Variants in CIB4 observed in about 807,000 individuals in gnomAD.
CIB4 encodes the protein calcium and integrin binding family member 4.
CIB4 carries 25 observed loss-of-function variants against 25.8 expected under a neutral mutation model. The ratio of observed to expected loss-of-function variants is 0.97; its 90% CI spans 0.71 to 1.35. The LOEUF is 1.35. Among genes scored for constraint, CIB4 ranks in the 40% most tolerant of loss-of-function variants. CIB4 has a pLI of 0.00. For missense variants in CIB4, 235 were observed against 228.2 expected (o/e 1.03, Z -0.19); for synonymous variants, 75 against 81.4 (o/e 0.92, Z 0.42).
chr2:26,590,507 G>A (rs943256545), intron 4 of CIB4, among the ~76,000 whole-genome samples: 5 of 152,218 alleles, frequency 3.3e-5, no homozygotes, highest in East Asian at 1.9e-4. Context: ...ACTGAGTTCC[G>A]TCTTTGGACG....
At chr2:26,589,072 C>CTTCTTCTTCTTCTTCT (rs1668524568) in intron 4 of CIB4, among the ~76,000 whole-genome samples, 1 of 40,796 alleles carries the variant, frequency 2.5e-5, no homozygotes, top group East Asian at 5.3e-4. Context: ...CTTCCTCTTC[C>CTTCTTCTTCTTCTTCT]TCTTCTTCTT....
chr2:26,635,627 C>T (rs562861411), intron 2 of CIB4, among the ~76,000 whole-genome samples: 5 of 152,290 alleles, frequency 3.3e-5, no homozygotes, highest in African/African-American at 4.8e-5. Flanking sequence ...CCACTTTCTC[C>T]GTGAGTATCA....
At chr2:26,588,041 T>C (rs1283287105) in intron 4 of CIB4, among the ~76,000 whole-genome samples, 4 of 152,228 alleles carry the variant, frequency 2.6e-5, no homozygotes, top group Non-Finnish European at 5.9e-5. Flanking sequence ...GTGTCAGGAC[T>C]GGAGCCTCTC....
chr2:26,635,351 C>T (rs900753495), intron 2 of CIB4, among the ~76,000 whole-genome samples: 3 of 152,184 alleles, frequency 2.0e-5, no homozygotes, highest in African/African-American at 7.2e-5. Flanking sequence ...GTGACCAGGC[C>T]TTTGTGTCCT....
At chr2:26,609,119 A>G (rs1359319609) in intron 3 of CIB4, among the ~76,000 whole-genome samples, 5 of 152,202 alleles carry the variant, frequency 3.3e-5, no homozygotes, top group Non-Finnish European at 7.3e-5. Flanking sequence ...GTTTTATCGA[A>G]TTACGACGGT....
intron 3 of CIB4, among the ~76,000 whole-genome samples, chr2:26,611,195 C>T (rs1397298050): frequency 6.6e-6 from 1 of 152,244 alleles, no homozygotes; most frequent in Non-Finnish European, 1.5e-5. Flanking sequence ...GGCTAGGATC[C>T]ACTGCACACT....
intron 4 of CIB4, among the ~76,000 whole-genome samples, chr2:26,588,981 C>CTTCTTCTTT (rs1558554467): frequency 7.2e-5 from 1 of 13,912 alleles, no homozygotes; most frequent in African/African-American, 2.8e-4. Context: ...CTTCTTCTTT[C>CTTCTTCTTT]TTCTTCTTCT....
intron 3 of CIB4, among the ~76,000 whole-genome samples, chr2:26,621,711 C>T (rs531149750): frequency 6.6e-6 from 1 of 152,102 alleles, no homozygotes; most frequent in African/African-American, 2.4e-5. Flanking sequence ...ACAGAAAATG[C>T]AAGACCCAAG....
intron 4 of CIB4, among the ~76,000 whole-genome samples, chr2:26,593,452 T>A (rs1011761033): frequency 6.6e-6 from 1 of 151,938 alleles, no homozygotes; most frequent in Non-Finnish European, 1.5e-5. Context: ...TACCCACACA[T>A]ACACTCACAT....
chr2:26,615,503 G>T (rs1203527695), intron 3 of CIB4, among the ~76,000 whole-genome samples: 4 of 152,206 alleles, frequency 2.6e-5, no homozygotes, highest in Non-Finnish European at 4.4e-5. Flanking sequence ...CAGGTAGAAA[G>T]TTGAGGCCCA....
intron 3 of CIB4, among the ~76,000 whole-genome samples, chr2:26,608,402 T>C (rs1572555574): frequency 1.3e-5 from 2 of 152,134 alleles, no homozygotes; most frequent in South Asian, 4.2e-4. Flanking sequence ...ACAGGGAATT[T>C]GAAACAAAAT....
chr2:26,611,255 G>C (rs1668990599), intron 3 of CIB4, among the ~76,000 whole-genome samples: 1 of 152,234 alleles, frequency 6.6e-6, no homozygotes, highest in Non-Finnish European at 1.5e-5. Flanking sequence ...GCACTGCTGT[G>C]GCGCCTGTCA....
intron 3 of CIB4, among the ~76,000 whole-genome samples, chr2:26,609,938 G>A (rs1668965610): frequency 6.6e-6 from 1 of 152,190 alleles, no homozygotes; most frequent in African/African-American, 2.4e-5. Context: ...TAACTAACAG[G>A]ATGAAGTCAC....
At chr2:26,602,050 A>G (rs10206007) in intron 3 of CIB4, among the ~76,000 whole-genome samples, 2,932 of 152,300 alleles carry the variant, frequency 0.019, 99 homozygotes, top group African/African-American at 0.066. Context: ...TGTGGTGCAG[A>G]TAGAAGCCAT....
At chr2:26,609,126 C>T (rs776130256) in intron 3 of CIB4, among the ~76,000 whole-genome samples, 4 of 152,150 alleles carry the variant, frequency 2.6e-5, no homozygotes, top group Non-Finnish European at 4.4e-5. Flanking sequence ...CGAATTACGA[C>T]GGTAATGAGA....
At chr2:26,610,404 C>T (rs1157041129) in intron 3 of CIB4, among the ~76,000 whole-genome samples, 4 of 152,176 alleles carry the variant, frequency 2.6e-5, no homozygotes, top group African/African-American at 9.7e-5. Flanking sequence ...CTCAGTGACT[C>T]TTTAAACAAC....
At chr2:26,611,280 G>A (rs1668990871) in intron 3 of CIB4, among the ~76,000 whole-genome samples, 1 of 152,232 alleles carries the variant, frequency 6.6e-6, no homozygotes, top group Admixed American at 6.5e-5. Context: ...AGTCCATCTG[G>A]GAAGTTCTCA....
intron 2 of CIB4, among the ~76,000 whole-genome samples, chr2:26,639,224 T>C (rs984708198): frequency 2.0e-5 from 3 of 152,016 alleles, no homozygotes; most frequent in African/African-American, 7.2e-5. Context: ...TATTTTAAGT[T>C]CTGGGATACA....
intron 2 of CIB4, among the ~76,000 whole-genome samples, chr2:26,633,000 T>C (rs1218932718): frequency 1.3e-5 from 2 of 150,328 alleles, no homozygotes; most frequent in Non-Finnish European, 3.0e-5. Context: ...CCACCGGGAG[T>C]GCCTGCTCTG....
Sources: gnomAD v4.1 joint callset for allele counts (sites outside exome capture counted in the v4.1 genomes callset) on GRCh38, gnomAD v4.1.1 for gene constraint, MANE v1.5 for transcripts, NCBI Gene and HGNC (gene_info 2026-07-23, HGNC 2026-07-21) for gene names.